The following DUSP23 variants were observed in gnomAD, a reference collection of about 807,000 sequenced individuals.
DUSP23 encodes the protein dual specificity protein phosphatase 23.
DUSP23 carries 10 observed loss-of-function variants against 13.3 expected under a neutral mutation model. That is an observed-to-expected ratio of 0.75 (90% confidence interval 0.46 to 1.27). The LOEUF is 1.27. Ranked by LOEUF, DUSP23 falls within the 50% of genes most tolerant of loss-of-function variation. The pLI, the probability that DUSP23 is intolerant of heterozygous loss-of-function variation, is 0.00. For missense variants in DUSP23, 228 were observed against 204.8 expected (o/e 1.11, Z -0.69); for synonymous variants, 107 against 95.3 (o/e 1.12, Z -0.72).
At position 159,782,356 on chromosome 1, in the gene DUSP23, C is replaced by G. The variant is rs1129932; in HGVS notation, c.*18C>G. The G allele has an allele frequency of 6.2e-7, 1 of 1,611,056 alleles. No individual in the cohort carries two copies. The highest frequency in any genetic ancestry group is 1.7e-5 in the Admixed American group (1 of 59,882). On this transcript the variant is annotated 3_prime_UTR_variant, in exon 2 of 2. Coordinates refer to ENST00000368107, the MANE Select transcript of DUSP23 (RefSeq NM_001319658.2). The stretch of plus-strand genomic sequence containing the variant: ...CGAAATAAGGGGCCTTAGTACCCTT[C>G]TACCAGGCCCTCACTCCCCTTCCCC...
rs1416347081 is a variant in DUSP23, at chr1:159,782,260, C to T, written c.375C>T (p.Ile125=). The T allele has an allele frequency of 6.2e-7, 1 of 1,614,126 alleles. No homozygotes were observed. The highest frequency in any genetic ancestry group is 8.5e-7 in the Non-Finnish European group (1 of 1,180,010). ...CTGCAGGAGATGCCATTGCTGAAAT[C>T]CGACGACTACGACCCGGCTCCATCG... ...GLAAGDAIAE[I]RRLRPGSIET... The change falls in exon 2 of 2, where the codon ATC becomes ATT. Residue 125 remains isoleucine (I), a synonymous_variant. Transcript: ENST00000368107.
chr1:159,782,378 C>T lies in DUSP23; in HGVS notation c.*40C>T. The T allele has an allele frequency of 6.2e-7, 1 of 1,602,982 alleles. No individual in the cohort carries two copies. The highest frequency in any genetic ancestry group is 8.5e-7 in the Non-Finnish European group (1 of 1,172,248). On this transcript the variant is annotated 3_prime_UTR_variant, in exon 2 of 2. Coordinates refer to ENST00000368107, the MANE Select transcript of DUSP23 (RefSeq NM_001319658.2). ...CTTCTACCAGGCCCTCACTCCCCTT[C>T]CCCATGTTGTCGATGGGGCCAGAGA...
rs1370507525 is a variant in DUSP23, at chr1:159,782,530, T to C, written c.*192T>C. On this transcript the variant is annotated 3_prime_UTR_variant, in exon 2 of 2. Transcript: ENST00000368107. ...TGTACTGCTTTGTTGAATAAATGAG[T>C]TTTACGAACCAGGGCACGTTGCATG... 1 of 641,512 alleles carries C rather than the reference T, an allele frequency of 1.6e-6. No individual in the cohort carries two copies. The highest frequency in any genetic ancestry group is 2.1e-5 in the South Asian group (1 of 48,124). The allele number at this position is 641,512 out of a possible 1,614,324, so 39.7% of individuals were successfully genotyped here.
rs768449730 is a variant in DUSP23 at position 159,781,017 on chromosome 1, G to C, written c.-84G>C. The C allele has an allele frequency of 4.2e-6, 6 of 1,439,068 alleles. No homozygotes were observed. The African/African-American group carries it at 5.9e-5, about 14-fold the overall frequency. 89.1% of individuals were successfully genotyped at this position (1,439,068 alleles called of 1,614,324 possible). ...AGGTAGGTGGTGAGTTACTTGGCTC[G>C]GAGCGGGCGAGGGGACGCGTGGGCG... On this transcript the variant is annotated 5_prime_UTR_variant, in exon 1 of 2. Coordinates refer to ENST00000368107, the MANE Select transcript of DUSP23 (RefSeq NM_001319658.2).
In DUSP23 at chr1:159,782,338, A is replaced by G. The variant is rs1661902001; in HGVS notation, c.453A>G (p.Ter151=). 1 of 1,613,740 alleles carries G rather than the reference A, an allele frequency of 6.2e-7. No individual in the cohort carries two copies. Among genetic ancestry groups the G allele is most frequent in the East Asian group, 2.2e-5 (1 of 44,846 alleles). ...TCCAGTTCTACCAGCGAACGAAATAAGGGGCCTTAGTACCCTTCTACCAGG... is the reference window on the plus strand; with the variant it reads ...TCCAGTTCTACCAGCGAACGAAATAGGGGGCCTTAGTACCCTTCTACCAGG... ...AVFQFYQRTK[*] is the part of the protein sequence containing the mutation. Residue 151 remains the stop codon, a stop_retained_variant, in exon 2 of 2, where the codon TAA becomes TAG. Transcript: ENST00000368107.
At position 159,781,604 on chromosome 1, in the gene DUSP23, G is replaced by A. The variant is rs371151354; in HGVS notation, c.267+237G>A. Among the ~76,000 whole-genome samples the A allele has an allele frequency of 2.2e-3, 329 of 152,306 alleles. 3 individuals are homozygous for A. Among genetic ancestry groups the A allele is most frequent in the Middle Eastern group, 0.014 (4 of 294 alleles). ...GAGGCAGTGAAAACCAGCTAATACTGTGAGTTGTGAAGGAGAAGGGTGTGG... is the reference window on the plus strand; with the variant it reads ...GAGGCAGTGAAAACCAGCTAATACTATGAGTTGTGAAGGAGAAGGGTGTGG... On this transcript the variant is annotated intron_variant, in intron 1 of 1. Coordinates refer to ENST00000368107, the MANE Select transcript of DUSP23 (RefSeq NM_001319658.2).
In DUSP23 at chr1:159,781,248, A is replaced by G; in HGVS notation, c.148A>G (p.Ser50Gly). Reference sequence around the variant, plus strand: ...CCTGACGGAGCGCGGGCCCCCTCACAGCGACAGCTGCCCCGGCCTCACCCT... The same window carrying G: ...CCTGACGGAGCGCGGGCCCCCTCACGGCGACAGCTGCCCCGGCCTCACCCT... Reference protein sequence around the residue: ...VSLTERGPPHSDSCPGLTLHR... With the variant: ...VSLTERGPPHGDSCPGLTLHR... Residue 50 changes from serine to glycine, a missense_variant, in exon 1 of 2, where the codon AGC becomes GGC. Ser to Gly is a moderately conservative substitution (Grantham distance 56). Coordinates refer to ENST00000368107, the MANE Select transcript of DUSP23 (RefSeq NM_001319658.2). The G allele has an allele frequency of 1.3e-6, 2 of 1,548,984 alleles. No individual in the cohort carries two copies. Among genetic ancestry groups the G allele is most frequent in the South Asian group, 1.2e-5 (1 of 83,948 alleles).
Position 159,781,365 on chromosome 1 carries a change from G to A in DUSP23, c.265G>A (p.Glu89Lys), listed in dbSNP as rs1437785725. Reference sequence around the variant, plus strand: ...CGTGGACGAGGCCAACGCACGGGGAGAGGTCAGCGGGCGGGGTCAGCGCAG... The same window carrying A: ...CGTGGACGAGGCCAACGCACGGGGAAAGGTCAGCGGGCGGGGTCAGCGCAG... Reference protein sequence around the residue: ...QIVDEANARGEAVGVHCALGF... With the variant: ...QIVDEANARGKAVGVHCALGF... Residue 89 changes from glutamate (E) to lysine (K), a missense_variant and splice_region_variant, in exon 1 of 2, where the codon GAG (glutamate) becomes AAG (lysine). By Grantham distance (56) the Glu-to-Lys change is moderately conservative (BLOSUM62 1). Coordinates refer to ENST00000368107, the MANE Select transcript of DUSP23 (RefSeq NM_001319658.2). The A allele has an allele frequency of 1.3e-6, 2 of 1,507,582 alleles. No homozygotes were observed. 93.4% of individuals were successfully genotyped at this position (1,507,582 alleles called of 1,614,324 possible). A position where few individuals can be genotyped will look rare whatever the true frequency, so the allele number is the denominator to read the frequency against.
At position 159,781,293 on chromosome 1, in the gene DUSP23, G is replaced by A. The variant is rs1370922313; in HGVS notation, c.193G>A (p.Asp65Asn). 2 of 1,547,120 alleles carry A rather than the reference G, an allele frequency of 1.3e-6. No individual in the cohort carries two copies. Among genetic ancestry groups the A allele is most frequent in the Middle Eastern group, 1.8e-4 (1 of 5,654 alleles). The stretch of plus-strand genomic sequence containing the variant: ...CACCCTGCACCGCCTGCGCATCCCC[G>A]ACTTCTGCCCGCCGGCCCCCGACCA... ...GLTLHRLRIPDFCPPAPDQID... is the reference protein window; with the variant it reads ...GLTLHRLRIPNFCPPAPDQID... Residue 65 changes from aspartate to asparagine, a missense_variant, in exon 1 of 2, where the codon GAC becomes AAC. Transcript: ENST00000368107.
At chr1:159,781,928 T>C (rs538051851) in intron 1 of DUSP23, among the ~76,000 whole-genome samples, 1 of 152,296 alleles carries the variant, frequency 6.6e-6, no homozygotes, top group East Asian at 1.9e-4. Flanking sequence ...TACTGTCTTC[T>C]GTATTGAACA....
At position 159,781,195 on chromosome 1, in the gene DUSP23, T is replaced by G; in HGVS notation, c.95T>G (p.Leu32Trp). 1 of 1,549,510 alleles carries G rather than the reference T, an allele frequency of 6.5e-7. No individual in the cohort carries two copies. The highest frequency in any genetic ancestry group is 8.7e-7 in the Non-Finnish European group (1 of 1,146,512). ...PRLPAHYQFL[L>W]DLGVRHLVSL... ...CTCCCCGCCCACTACCAGTTCCTGT[T>G]GGACCTGGGCGTGCGGCACCTGGTG... The change falls in exon 1 of 2, where the codon TTG becomes TGG. Residue 32 changes from leucine to tryptophan, a missense_variant. Transcript: ENST00000368107.
chr1:159,781,497 C>T, intron 1 of DUSP23, 130 bp downstream of exon 1: 1 of 1,260,332 alleles, frequency 7.9e-7, no homozygotes, highest in Admixed American at 3.0e-5. Flanking sequence ...GGCCGGGAGA[C>T]TGGGAAGCCA....
At position 159,781,200 on chromosome 1, in the gene DUSP23, C is replaced by G. The variant is rs199665962; in HGVS notation, c.100C>G (p.Leu34Val). The part of the protein sequence containing the change: ...LPAHYQFLLD[L>V]GVRHLVSLTE... Reference sequence around the variant, plus strand: ...CGCCCACTACCAGTTCCTGTTGGACCTGGGCGTGCGGCACCTGGTGTCCCT... The same window carrying G: ...CGCCCACTACCAGTTCCTGTTGGACGTGGGCGTGCGGCACCTGGTGTCCCT... The change falls in exon 1 of 2, where the codon CTG becomes GTG. Residue 34 changes from leucine to valine, a missense_variant. Transcript: ENST00000368107. The G allele has an allele frequency of 5.0e-3, 7,694 of 1,549,534 alleles. 19 individuals are homozygous for G. The highest frequency in any genetic ancestry group is 6.2e-3 in the Non-Finnish European group (7,053 of 1,146,514).
rs1332258069 is a variant in DUSP23, at chr1:159,781,123, TCTC to T, written c.26_28del (p.Ser9del). The T allele has an allele frequency of 2.8e-5, 44 of 1,547,030 alleles. No individual in the cohort carries two copies. The highest frequency in any genetic ancestry group is 3.3e-5 in the Non-Finnish European group (38 of 1,146,414). On this transcript the variant is annotated inframe_deletion, in exon 1 of 2. Coordinates refer to ENST00000368107, the MANE Select transcript of DUSP23 (RefSeq NM_001319658.2). ...GCGATGGGCGTGCAGCCCCCCAACTTCTCCTGGGTGCTTCCGGGCCGGCTGGCG... is the reference window on the plus strand; with the variant it reads ...GCGATGGGCGTGCAGCCCCCCAACTTCTGGGTGCTTCCGGGCCGGCTGGCG...
Position 159,781,355 on chromosome 1 carries a change from C to G in DUSP23, c.255C>G (p.Asn85Lys). Residue 85 changes from asparagine (N) to lysine (K), a missense_variant, in exon 1 of 2, where the codon AAC becomes AAG. Coordinates refer to ENST00000368107, the MANE Select transcript of DUSP23 (RefSeq NM_001319658.2). Reference protein sequence around the residue: ...DRFVQIVDEANARGEAVGVHC... With the variant: ...DRFVQIVDEAKARGEAVGVHC... ...TCGTGCAGATCGTGGACGAGGCCAA[C>G]GCACGGGGAGAGGTCAGCGGGCGGG... 1 of 1,523,026 alleles carries G rather than the reference C, an allele frequency of 6.6e-7. No homozygotes were observed. Among genetic ancestry groups the G allele is most frequent in the Non-Finnish European group, 8.8e-7 (1 of 1,133,040 alleles). 94.3% of individuals were successfully genotyped at this position (1,523,026 alleles called of 1,614,324 possible). A position where few individuals can be genotyped will look rare whatever the true frequency, so the allele number is the denominator to read the frequency against.
At chr1:159,781,778 G>C (rs1345258491) in intron 1 of DUSP23, among the ~76,000 whole-genome samples, 1 of 152,222 alleles carries the variant, frequency 6.6e-6, no homozygotes, top group Non-Finnish European at 1.5e-5. Context: ...CAGGGAAGCA[G>C]ATAAAATTAA....
At position 159,782,484 on chromosome 1, in the gene DUSP23, G is replaced by T; in HGVS notation, c.*146G>T. On this transcript the variant is annotated 3_prime_UTR_variant, in exon 2 of 2. Transcript: ENST00000368107. ...TGAAGTAGCCCACCCCTGCAGGCAG[G>T]TCCTGATTGAAGGGGAGGCTTGTAC... is the stretch of plus-strand genomic sequence containing the variant. 2 of 958,646 alleles carry T rather than the reference G, an allele frequency of 2.1e-6. No homozygotes were observed. The highest frequency in any genetic ancestry group is 3.1e-6 in the Non-Finnish European group (2 of 653,596). The allele number at this position is 958,646 out of a possible 1,614,324, so 59.4% of individuals were successfully genotyped here.
Position 159,780,975 on chromosome 1 carries a change from C to T in DUSP23, c.-126C>T. On this transcript the variant is annotated 5_prime_UTR_variant, in exon 1 of 2. Coordinates refer to ENST00000368107, the MANE Select transcript of DUSP23 (RefSeq NM_001319658.2). ...GCGGCGCCCTGCAGACCACGTGGCC[C>T]GGGAGGCGCCGAGGCCAGGTAGGTG... 7.9e-7 allele frequency: 1 copy of T among 1,262,752 alleles called. No homozygotes were observed. The highest frequency in any genetic ancestry group is 1.0e-6 in the Non-Finnish European group (1 of 953,342). 78.2% of individuals were successfully genotyped at this position (1,262,752 alleles called of 1,614,324 possible).
In DUSP23 at chr1:159,781,355, C is replaced by T. The variant is rs1407770813; in HGVS notation, c.255C>T (p.Asn85=). The change falls in exon 1 of 2, where the codon AAC becomes AAT. Residue 85 remains asparagine (N), a synonymous_variant. Coordinates refer to ENST00000368107, the MANE Select transcript of DUSP23 (RefSeq NM_001319658.2). ...DRFVQIVDEA[N]ARGEAVGVHC... is the part of the protein sequence containing the mutation. ...TCGTGCAGATCGTGGACGAGGCCAA[C>T]GCACGGGGAGAGGTCAGCGGGCGGG... 5 of 1,523,026 alleles carry T rather than the reference C, an allele frequency of 3.3e-6. No individual in the cohort carries two copies. The South Asian group carries it at 5.0e-5, about 15-fold the overall frequency. The allele number at this position is 1,523,026 out of a possible 1,614,324, so 94.3% of individuals were successfully genotyped here.
Sources: allele counts gnomAD v4.1 joint callset (sites outside exome capture counted in the v4.1 genomes callset), GRCh38; gene constraint gnomAD v4.1.1; transcripts MANE v1.5; gene names NCBI Gene and HGNC (gene_info 2026-07-23, HGNC 2026-07-21).